The following HSD17B11 variants were observed in gnomAD, a reference collection of about 807,000 sequenced individuals.
HSD17B11 encodes hydroxysteroid 17-beta dehydrogenase 11.
Under a neutral mutation model 27.8 loss-of-function variants are expected in HSD17B11, and 22 were observed. The ratio of observed to expected loss-of-function variants is 0.79; its 90% CI spans 0.56 to 1.13. HSD17B11 has a LOEUF of 1.13. Ranked by LOEUF, HSD17B11 falls within the 50% of genes most tolerant of loss-of-function variation. The pLI is 0.00. For synonymous variants in HSD17B11, 117 were observed against 132.8 expected, an observed-to-expected ratio of 0.88 and a Z score of 0.82; for missense variants, 314 against 351.1, an observed-to-expected ratio of 0.89 and a Z score of 0.84.
chr4:87,358,513 T>C (rs879550836), intron 4 of HSD17B11, among the ~76,000 whole-genome samples: 7 of 152,332 alleles, frequency 4.6e-5, no homozygotes, highest in Admixed American at 2.0e-4. Context: ...AAGGGCTTTA[T>C]TGAGATATAA....
Position 87,384,141 on chromosome 4 carries a change from C to T in HSD17B11, c.211-1779G>A, listed in dbSNP as rs372951683. ...AGTCAGGGACCCCGAATGGAGGGACCGGCTGGAGCCGCGGCAAAGAACATA... is the reference window on the plus strand; with the variant it reads ...AGTCAGGGACCCCGAATGGAGGGACTGGCTGGAGCCGCGGCAAAGAACATA... On this transcript the variant is annotated intron_variant, in intron 1 of 6. Transcript: ENST00000358290. Among the ~76,000 whole-genome samples the T allele has an allele frequency of 1.9e-3, 282 of 152,166 alleles. 4 individuals are homozygous for T. The Middle Eastern group carries it at 0.027, about 15-fold the overall frequency.
chr4:87,353,630 T>C (rs1006225247), intron 5 of HSD17B11, among the ~76,000 whole-genome samples: 41 of 152,190 alleles, frequency 2.7e-4, no homozygotes, highest in Admixed American at 5.9e-4. Flanking sequence ...GCAGCATTTC[T>C]GGAGAGGAGT....
intron 4 of HSD17B11, among the ~76,000 whole-genome samples, 190 bp from the exon 5 acceptor site, chr4:87,357,606 G>A (rs996037741): frequency 1.3e-5 from 2 of 152,186 alleles, no homozygotes; most frequent in Non-Finnish European, 2.9e-5. Flanking sequence ...TAAGGTCCAA[G>A]AAGCCCTGAC....
chr4:87,347,338 T>C (rs1181232106), intron 5 of HSD17B11, among the ~76,000 whole-genome samples: 8 of 49,608 alleles, frequency 1.6e-4, no homozygotes, highest in African/African-American at 5.0e-4. Flanking sequence ...TGTGATCTCA[T>C]TGTTCAATTC....
chr4:87,353,456 T>C (rs1306222194), intron 5 of HSD17B11, among the ~76,000 whole-genome samples: 1 of 152,242 alleles, frequency 6.6e-6, no homozygotes, highest in African/African-American at 2.4e-5. Context: ...TAAGTTTCTA[T>C]ATTAAAACCA....
At chr4:87,370,149 C>T (rs1362192627) in intron 4 of HSD17B11, among the ~76,000 whole-genome samples, 2 of 152,108 alleles carry the variant, frequency 1.3e-5, no homozygotes, top group Non-Finnish European at 2.9e-5. Context: ...GGAAAAGGAT[C>T]AATACTCTTA....
intron 4 of HSD17B11, among the ~76,000 whole-genome samples, chr4:87,358,419 T>C (rs1038135783): frequency 6.6e-6 from 1 of 152,168 alleles, no homozygotes; most frequent in Non-Finnish European, 1.5e-5. Flanking sequence ...AAAGCGTTTA[T>C]TTTAACAGCT....
intron 2 of HSD17B11, among the ~76,000 whole-genome samples, chr4:87,376,536 C>CA (rs1264740388): frequency 1.6e-5 from 2 of 121,312 alleles, no homozygotes; most frequent in African/African-American, 6.3e-5. Context: ...AAAAAACAAA[C>CA]AAAAAACCCC....
chr4:87,342,880 A>G (rs1379439000), intron 5 of HSD17B11, among the ~76,000 whole-genome samples: 1 of 152,238 alleles, frequency 6.6e-6, no homozygotes, highest in Non-Finnish European at 1.5e-5. Context: ...GCAAAAAATC[A>G]AAGGCAACGG....
intron 4 of HSD17B11, among the ~76,000 whole-genome samples, chr4:87,370,539 C>T (rs1283070670): frequency 1.3e-5 from 2 of 151,676 alleles, no homozygotes; most frequent in Non-Finnish European, 2.9e-5. Context: ...CCTCAGCCTC[C>T]CGACTAGCTG....
intron 2 of HSD17B11, among the ~76,000 whole-genome samples, chr4:87,379,388 T>G (rs9684766): frequency 0.32 from 48,223 of 149,806 alleles, 8,355 homozygotes; most frequent in African/African-American, 0.42. Flanking sequence ...CATTCTTGCT[T>G]GTACCTAACT....
chr4:87,337,482 A>G (rs567573491), intron 6 of HSD17B11, 116 bp from the exon 7 acceptor site: 1 of 636,020 alleles, frequency 1.6e-6, no homozygotes, highest in African/African-American at 1.9e-5. Flanking sequence ...GTTAAATAAG[A>G]TTAAGCATCT....
chr4:87,338,231 C>T (rs963540888), intron 6 of HSD17B11, among the ~76,000 whole-genome samples: 1 of 151,986 alleles, frequency 6.6e-6, no homozygotes, highest in Non-Finnish European at 1.5e-5. Context: ...AGCACCCCCC[C>T]AAAAAATGTC....
chr4:87,338,758 A>G (rs796469387), intron 6 of HSD17B11, among the ~76,000 whole-genome samples: 19 of 152,076 alleles, frequency 1.2e-4, no homozygotes, highest in African/African-American at 4.3e-4. Context: ...GCTTGTCTTG[A>G]ACTCTTGACC....
rs559879664 is a variant in HSD17B11, at chr4:87,340,849, T to C, written c.696-243A>G. Among the ~76,000 whole-genome samples, 6 of 152,336 alleles carry C rather than the reference T, an allele frequency of 3.9e-5. No homozygotes were observed. In the South Asian group the frequency reaches 1.2e-3, roughly 32 times the overall value. On this transcript the variant is annotated intron_variant, in intron 5 of 6. Coordinates refer to ENST00000358290, the MANE Select transcript of HSD17B11 (RefSeq NM_016245.5). ...TAAACCTTCTACATAGGTTATTCCATTGACGTTTGACAATAACTTTATGAA... is the reference window on the plus strand; with the variant it reads ...TAAACCTTCTACATAGGTTATTCCACTGACGTTTGACAATAACTTTATGAA...
At chr4:87,360,828 T>C (rs1443361975) in intron 4 of HSD17B11, among the ~76,000 whole-genome samples, 2 of 152,134 alleles carry the variant, frequency 1.3e-5, no homozygotes, top group African/African-American at 4.8e-5. Flanking sequence ...AATGAGTAAA[T>C]TGAATAACTA....
Position 87,374,774 on chromosome 4 carries a change from A to G in HSD17B11, c.375T>C (p.Tyr125=). 6.2e-7 allele frequency: 1 copy of G among 1,602,062 alleles called. No homozygotes were observed. The change falls in exon 3 of 7, where the codon TAT becomes TAC. Residue 125 remains tyrosine (Y), a synonymous_variant. Coordinates refer to ENST00000358290, the MANE Select transcript of HSD17B11 (RefSeq NM_016245.5). ...CTTGTGTAGCAAACAAATCTGATGT[A>G]TAGACTACACCAGCATTATTTACTA... The part of the protein sequence containing the change: ...SILVNNAGVV[Y]TSDLFATQDP...
intron 1 of HSD17B11, among the ~76,000 whole-genome samples, chr4:87,383,175 T>C (rs1720218552): frequency 6.6e-6 from 1 of 152,082 alleles, no homozygotes; most frequent in South Asian, 2.1e-4. Flanking sequence ...AAACCACTAG[T>C]AGGATTAGTG....
Position 87,378,880 on chromosome 4 carries a change from A to T in HSD17B11, c.318+3375T>A, listed in dbSNP as rs13119092. 8.7e-3 allele frequency among the ~76,000 whole-genome samples: 255 copies of T among 29,380 alleles called. 31 individuals are homozygous for T. The highest frequency in any genetic ancestry group is 0.035 in the African/African-American group (247 of 7,040). The allele number at this position is 29,380 out of a possible 152,430, so 19.3% of individuals were successfully genotyped here. A position where few individuals can be genotyped will look rare whatever the true frequency, so the allele number is the denominator to read the frequency against. On this transcript the variant is annotated intron_variant, in intron 2 of 6. Coordinates refer to ENST00000358290, the MANE Select transcript of HSD17B11 (RefSeq NM_016245.5). ...TAAATATATATAAATATATATATAT[A>T]AATATATATATATAAATATATATAA...
Sources: allele counts gnomAD v4.1 joint callset (sites outside exome capture counted in the v4.1 genomes callset), GRCh38; gene constraint gnomAD v4.1.1; transcripts MANE v1.5; gene names NCBI Gene and HGNC (gene_info 2026-07-23, HGNC 2026-07-21).